Variants in RSRC1 observed in about 807,000 individuals in gnomAD.
The protein encoded by RSRC1 is serine/Arginine-related protein 53.
In RSRC1, 39 loss-of-function variants were observed where a neutral mutation model predicts 49.1. That is an observed-to-expected ratio of 0.79 (90% CI 0.61 to 1.04). The LOEUF (loss-of-function observed/expected upper bound fraction) is 1.04. RSRC1 is among the 50% of genes least tolerant of loss of function. RSRC1 has a pLI of 0.00. For missense variants in RSRC1, 388 were observed against 402.4 expected, an observed-to-expected ratio of 0.96 and a Z score of 0.31; for synonymous variants, 143 against 130.8, an observed-to-expected ratio of 1.09 and a Z score of -0.63.
intron 6 of RSRC1, among the ~76,000 whole-genome samples, chr3:158,396,025 G>A (rs1293703143): frequency 1.3e-5 from 2 of 152,014 alleles, no homozygotes; most frequent in Non-Finnish European, 1.5e-5. Flanking sequence ...TAAGATCATG[G>A]CCTTTAGAGC....
intron 1 of RSRC1, among the ~76,000 whole-genome samples, chr3:158,118,346 A>C (rs1325249008): frequency 6.7e-6 from 1 of 150,068 alleles, no homozygotes; most frequent in Admixed American, 6.6e-5. Context: ...GGATCCTCCC[A>C]CCTCAGCTTC....
chr3:158,158,542 G>A (rs961992553), intron 3 of RSRC1, among the ~76,000 whole-genome samples: 11 of 152,058 alleles, frequency 7.2e-5, no homozygotes, highest in Admixed American at 2.0e-4. Context: ...ACATGAAATT[G>A]TCTTTTCCCC....
intron 7 of RSRC1, among the ~76,000 whole-genome samples, chr3:158,490,487 G>A (rs1439869400): frequency 6.6e-6 from 1 of 152,186 alleles, no homozygotes; most frequent in Non-Finnish European, 1.5e-5. Flanking sequence ...ACCGTGTGCA[G>A]AAAATAAAAG....
At chr3:158,473,198 A>G (rs554703943) in intron 7 of RSRC1, among the ~76,000 whole-genome samples, 11 of 152,308 alleles carry the variant, frequency 7.2e-5, no homozygotes, top group African/African-American at 2.4e-4. Context: ...ATGCTGCTAT[A>G]AAGACACATG....
chr3:158,221,315 G>A (rs1036992494), intron 4 of RSRC1, among the ~76,000 whole-genome samples: 1 of 151,318 alleles, frequency 6.6e-6, no homozygotes, highest in Non-Finnish European at 1.5e-5. Flanking sequence ...TAATAACTTT[G>A]TCAAATGGTG....
intron 3 of RSRC1, among the ~76,000 whole-genome samples, chr3:158,200,040 C>T (rs191736107): frequency 6.6e-6 from 1 of 151,802 alleles, no homozygotes; most frequent in African/African-American, 2.4e-5. Context: ...TATTTTTATC[C>T]ATTTACTTTT....
intron 3 of RSRC1, among the ~76,000 whole-genome samples, chr3:158,169,782 C>T (rs1718765626): frequency 6.6e-6 from 1 of 152,038 alleles, no homozygotes; most frequent in African/African-American, 2.4e-5. Flanking sequence ...GTACTTCTAA[C>T]CCTCTCTGGG....
At chr3:158,117,852 C>T (rs1469127035) in intron 1 of RSRC1, among the ~76,000 whole-genome samples, 1 of 148,248 alleles carries the variant, frequency 6.7e-6, no homozygotes, top group African/African-American at 2.6e-5. Flanking sequence ...CCAGATTGAT[C>T]CTCTTCTGTT....
intron 3 of RSRC1, among the ~76,000 whole-genome samples, chr3:158,167,599 C>A (rs1718613033): frequency 1.3e-5 from 2 of 152,176 alleles, no homozygotes; most frequent in South Asian, 4.1e-4. Context: ...CAAGTAAATC[C>A]TTTTTATGTT....
At chr3:158,526,096 C>T (rs1712006076) in intron 7 of RSRC1, among the ~76,000 whole-genome samples, 3 of 151,752 alleles carry the variant, frequency 2.0e-5, no homozygotes, top group African/African-American at 7.3e-5. Context: ...TTCTTTAAAC[C>T]TTATGATTTT....
At chr3:158,306,101 T>C (rs1387515693) in intron 5 of RSRC1, among the ~76,000 whole-genome samples, 1 of 151,986 alleles carries the variant, frequency 6.6e-6, no homozygotes, top group African/African-American at 2.4e-5. Flanking sequence ...AACTTCGTTA[T>C]ATGCTTTTAA....
chr3:158,495,819 C>T (rs925909013), intron 7 of RSRC1, among the ~76,000 whole-genome samples: 2 of 152,222 alleles, frequency 1.3e-5, no homozygotes, highest in African/African-American at 4.8e-5. Flanking sequence ...TGTGCTGCAA[C>T]AGCAGAATTG....
At chr3:158,293,006 A>G (rs1486032640) in intron 4 of RSRC1, among the ~76,000 whole-genome samples, 1 of 152,024 alleles carries the variant, frequency 6.6e-6, no homozygotes, top group African/African-American at 2.4e-5. Flanking sequence ...TGTTGTATTT[A>G]TGTACTCATG....
intron 7 of RSRC1, among the ~76,000 whole-genome samples, chr3:158,469,049 G>A (rs1257135695): frequency 6.6e-6 from 1 of 151,974 alleles, no homozygotes; most frequent in Admixed American, 6.6e-5. Context: ...ATTATATGAA[G>A]GAGAGAATAT....
intron 4 of RSRC1, among the ~76,000 whole-genome samples, chr3:158,268,188 A>G (rs374764102): frequency 7.2e-5 from 11 of 152,176 alleles, no homozygotes; most frequent in East Asian, 1.9e-4. Flanking sequence ...CAGCTTTACA[A>G]TGTGTCCTCA....
chr3:158,441,804 GAAGT>G, intron 6 of RSRC1, among the ~76,000 whole-genome samples: 1 of 152,196 alleles, frequency 6.6e-6, no homozygotes, highest in East Asian at 1.9e-4. Context: ...CATGGTGAGA[GAAGT>G]ATTAAACTAA....
At chr3:158,123,472 A>AT (rs1174575616) in intron 2 of RSRC1, among the ~76,000 whole-genome samples, 5 of 151,764 alleles carry the variant, frequency 3.3e-5, no homozygotes, top group Admixed American at 3.3e-4. Flanking sequence ...TTTTATTTTT[A>AT]TTTTTTGTGG....
intron 3 of RSRC1, among the ~76,000 whole-genome samples, chr3:158,164,397 G>T (rs1017201148): frequency 6.6e-6 from 1 of 151,372 alleles, no homozygotes; most frequent in Admixed American, 6.6e-5. Flanking sequence ...AATTAAATTT[G>T]ATTTTTTAAA....
chr3:158,117,709 T>C (rs750630241), intron 1 of RSRC1, among the ~76,000 whole-genome samples: 41 of 152,166 alleles, frequency 2.7e-4, no homozygotes, highest in Non-Finnish European at 5.0e-4. Context: ...TCACTAGAGC[T>C]TTGAACTCCT....
Sources: allele counts gnomAD v4.1 joint callset (sites outside exome capture counted in the v4.1 genomes callset), GRCh38; gene constraint gnomAD v4.1.1; transcripts MANE v1.5; gene names NCBI Gene and HGNC (gene_info 2026-07-23, HGNC 2026-07-21).